SORCS1: variants seen among roughly 807,000 people sequenced by gnomAD.
SORCS1 encodes sortilin related VPS10 domain containing receptor 1, also known as VPS10 domain-containing receptor SorCS1.
In SORCS1, 60 loss-of-function variants were observed where a neutral mutation model predicts 146.1. The ratio of observed to expected loss-of-function variants is 0.41; its 90% CI spans 0.33 to 0.51. The LOEUF (loss-of-function observed/expected upper bound fraction) is 0.51, where lower values mean the gene tolerates loss of function less well. Ranked by LOEUF, SORCS1 falls within the 20% of genes least tolerant of loss-of-function variation. The pLI is 0.21. For missense variants in SORCS1, 1,352 were observed against 1,487.6 expected, an observed-to-expected ratio of 0.91 and a Z score of 1.50; for synonymous variants, 637 against 584.0, an observed-to-expected ratio of 1.09 and a Z score of -1.31.
At chr10:106,675,207 G>T in intron 13 of SORCS1, 51 bp from the exon 14 acceptor site, 1 of 1,369,972 alleles carries the variant, frequency 7.3e-7, no homozygotes, top group South Asian at 1.2e-5. Flanking sequence ...AAAAAAAAAT[G>T]TCATTTCAAA....
At chr10:107,158,087 T>A (rs1396107465) in intron 1 of SORCS1, among the ~76,000 whole-genome samples, 1 of 152,178 alleles carries the variant, frequency 6.6e-6, no homozygotes, top group African/African-American at 2.4e-5. Flanking sequence ...CACCAATAAC[T>A]TAAACAAAAG....
At chr10:106,610,660 C>T (rs756468972) in intron 22 of SORCS1, among the ~76,000 whole-genome samples, 3 of 152,156 alleles carry the variant, frequency 2.0e-5, no homozygotes, top group Non-Finnish European at 4.4e-5. Context: ...CAAACCTAAA[C>T]TGATTTTCAT....
intron 1 of SORCS1, among the ~76,000 whole-genome samples, chr10:107,013,439 A>G (rs1026686847): frequency 6.6e-6 from 1 of 152,108 alleles, no homozygotes; most frequent in Non-Finnish European, 1.5e-5. Context: ...ACCTGGAGTC[A>G]CACACAGATA....
At chr10:106,679,402 T>C (rs1307219862) in intron 11 of SORCS1, 70 bp from the exon 12 acceptor site, 1 of 1,264,436 alleles carries the variant, frequency 7.9e-7, no homozygotes, top group Non-Finnish European at 1.1e-6. Context: ...TATTGGCAGG[T>C]GCACTGCCTG....
chr10:106,651,876 G>A (rs1016151733), intron 18 of SORCS1, among the ~76,000 whole-genome samples: 3 of 152,110 alleles, frequency 2.0e-5, no homozygotes, highest in Non-Finnish European at 2.9e-5. Flanking sequence ...ATATCCCTGA[G>A]GTGCTACACA....
chr10:107,157,489 G>A (rs1228786148), intron 1 of SORCS1, among the ~76,000 whole-genome samples: 3 of 152,060 alleles, frequency 2.0e-5, no homozygotes, highest in African/African-American at 7.3e-5. Context: ...CTTAAGTAAT[G>A]GAAGTAATGT....
chr10:107,107,680 G>A lies in SORCS1; in HGVS notation c.558+56289C>T, dbSNP rs184494738. 2.6e-5 allele frequency among the ~76,000 whole-genome samples: 4 copies of A among 152,332 alleles called. 1 individual carries two copies. Among genetic ancestry groups the A allele is most frequent in the Admixed American group, 2.6e-4 (4 of 15,300 alleles). On this transcript the variant is annotated intron_variant, in intron 1 of 25. Transcript: ENST00000263054. ...TGGGAACCTTGGATTAATTTAGGAG[G>A]TTGTGAAATTCCAGGGGAGCCCGAT...
At chr10:106,989,271 GAAAAAAA>G (rs1161174866) in intron 1 of SORCS1, among the ~76,000 whole-genome samples, 27,768 of 76,776 alleles carry the variant, frequency 0.36, 4,056 homozygotes, top group Middle Eastern at 0.49. Flanking sequence ...CTCCACCTCA[GAAAAAAA>G]AAAAAAAAAA....
intron 5 of SORCS1, among the ~76,000 whole-genome samples, chr10:106,744,145 C>T (rs1374529966): frequency 1.3e-5 from 2 of 152,116 alleles, no homozygotes; most frequent in Non-Finnish European, 2.9e-5. Flanking sequence ...CGCTCTGTCA[C>T]CCAGGCTGGA....
intron 1 of SORCS1, among the ~76,000 whole-genome samples, chr10:107,139,516 G>C (rs1024409443): frequency 2.0e-5 from 3 of 152,194 alleles, no homozygotes; most frequent in African/African-American, 7.2e-5. Flanking sequence ...ATTGGGAAGA[G>C]AGAGAGGGAG....
intron 9 of SORCS1, among the ~76,000 whole-genome samples, chr10:106,694,869 C>G (rs1405048751): frequency 3.9e-5 from 6 of 152,166 alleles, no homozygotes; most frequent in Admixed American, 3.3e-4. Flanking sequence ...TTGCACTCAG[C>G]TGGGGTGAAC....
intron 5 of SORCS1, among the ~76,000 whole-genome samples, chr10:106,750,073 C>T (rs927477137): frequency 2.0e-5 from 3 of 152,098 alleles, no homozygotes; most frequent in Admixed American, 6.5e-5. Context: ...AACTTAGAGG[C>T]CCTTAATTTG....
At chr10:106,730,387 G>C (rs143369792) in intron 5 of SORCS1, among the ~76,000 whole-genome samples, 229 of 152,314 alleles carry the variant, frequency 1.5e-3, no homozygotes, top group African/African-American at 5.1e-3. Context: ...CAGGTCCTAC[G>C]CATGTTGGGT....
chr10:106,581,592 A>C (rs1321224457), intron 24 of SORCS1, among the ~76,000 whole-genome samples: 1 of 152,190 alleles, frequency 6.6e-6, no homozygotes, highest in Non-Finnish European at 1.5e-5. Flanking sequence ...GTATGTGTGC[A>C]TGCAAACACA....
chr10:106,933,932 A>G (rs966450694), intron 2 of SORCS1, among the ~76,000 whole-genome samples: 3 of 152,008 alleles, frequency 2.0e-5, no homozygotes, highest in East Asian at 3.9e-4. Flanking sequence ...CATCTCTACT[A>G]AAAATACAAA....
At position 106,889,851 on chromosome 10, in the gene SORCS1, C is replaced by A. The variant is rs535975941; in HGVS notation, c.627-60178G>T. On this transcript the variant is annotated intron_variant, in intron 2 of 25. Transcript: ENST00000263054. Reference sequence around the variant, plus strand: ...AGTGAGCCGAGATCGCGCCACTGTACTCCAGCCTGGGTGACAGAGTGAGAC... The same window carrying A: ...AGTGAGCCGAGATCGCGCCACTGTAATCCAGCCTGGGTGACAGAGTGAGAC... 4.0e-3 allele frequency among the ~76,000 whole-genome samples: 573 copies of A among 144,048 alleles called. 3 individuals carry two copies. The highest frequency in any genetic ancestry group is 7.9e-3 in the Middle Eastern group (2 of 254). The allele number at this position is 144,048 out of a possible 152,430, so 94.5% of individuals were successfully genotyped here.
chr10:106,944,170 C>T (rs1428247186), intron 2 of SORCS1, among the ~76,000 whole-genome samples: 6 of 152,190 alleles, frequency 3.9e-5, no homozygotes, highest in African/African-American at 7.2e-5. Flanking sequence ...CATAACATGA[C>T]ACCAAGGTAA....
intron 10 of SORCS1, 133 bp from the exon 11 acceptor site, chr10:106,679,867 T>C (rs1293037493): frequency 6.1e-6 from 4 of 659,842 alleles, no homozygotes; most frequent in South Asian, 3.5e-5. Flanking sequence ...CAACCACCCA[T>C]TGTATCTATA....
At chr10:106,927,371 C>T (rs113985959) in intron 2 of SORCS1, among the ~76,000 whole-genome samples, 9 of 152,026 alleles carry the variant, frequency 5.9e-5, no homozygotes, top group African/African-American at 2.2e-4. Context: ...GTTCCTTCCT[C>T]CCGGTGGGTT....
Sources: allele counts gnomAD v4.1 joint callset (sites outside exome capture counted in the v4.1 genomes callset), GRCh38; gene constraint gnomAD v4.1.1; transcripts MANE v1.5; gene names NCBI Gene and HGNC (gene_info 2026-07-23, HGNC 2026-07-21).